RASAL1: variants seen among roughly 807,000 people sequenced by gnomAD.
The protein encoded by RASAL1 is rasGAP-activating-like protein 1.
A neutral mutation model predicts 96.6 loss-of-function variants in RASAL1; 72 were observed. The observed-to-expected ratio is 0.75, with a 90% CI of 0.62 to 0.91. RASAL1 has a LOEUF of 0.91. Among genes scored for constraint, RASAL1 ranks in the 40% least tolerant of loss-of-function variants. The probability of loss-of-function intolerance (pLI) is 0.00; values close to 1 mark genes in which losing one functional copy is unlikely to be tolerated. For synonymous variants in RASAL1, 405 were observed against 430.4 expected (o/e 0.94, Z 0.73); for missense variants, 1,016 against 1,072.5 (o/e 0.95, Z 0.74).
intron 16 of RASAL1, 131 bp downstream of exon 16, chr12:113,105,583 C>T (rs948946684): frequency 1.7e-5 from 17 of 994,948 alleles, no homozygotes; most frequent in Middle Eastern, 2.4e-4. Flanking sequence ...GAGAGTTTGT[C>T]GTTGTTAAGT....
At position 113,100,624 on chromosome 12, in the gene RASAL1, T is replaced by TAAG. The variant is rs1566029756; in HGVS notation, c.2278+3_2278+4insCTT. 1 of 1,607,464 alleles carries TAAG rather than the reference T, an allele frequency of 6.2e-7. No homozygotes were observed. The stretch of plus-strand genomic sequence containing the variant: ...TTTACCTTCTGAGGTACAGGAGCCC[T>TAAG]TACCTGTGTCTGCCTCCAGAGTTGT... On this transcript the variant is annotated splice_donor_region_variant and intron_variant, in intron 20 of 20. Coordinates refer to ENST00000548055, the MANE Select transcript of RASAL1 (RefSeq NM_001301202.2).
chr12:113,107,322 A>C, intron 14 of RASAL1, 81 bp from the exon 15 acceptor site: 5 of 1,441,516 alleles, frequency 3.5e-6, no homozygotes, highest in Non-Finnish European at 4.6e-6. Context: ...ATCAGTGCTC[A>C]ATAAAAGAAG....
At chr12:113,100,185 C>T (rs1950391980) in intron 20 of RASAL1, 117 bp from the exon 21 acceptor site, 2 of 1,166,604 alleles carry the variant, frequency 1.7e-6, no homozygotes, top group Non-Finnish European at 2.4e-6. Flanking sequence ...ACCCTAAAAT[C>T]CTTGAGAATC....
intron 5 of RASAL1, 57 bp downstream of exon 5, chr12:113,121,451 CA>C: frequency 6.2e-7 from 1 of 1,605,376 alleles, no homozygotes; most frequent in Non-Finnish European, 8.5e-7. Flanking sequence ...AGGGGAGACC[CA>C]GGGGACTCCT....
intron 1 of RASAL1, among the ~76,000 whole-genome samples, chr12:113,134,930 T>A (rs539205444): frequency 3.3e-5 from 5 of 152,162 alleles, no homozygotes; most frequent in African/African-American, 1.2e-4. Flanking sequence ...AAGCACCAGA[T>A]CCACACAGGA....
chr12:113,111,092 C>T (rs1329726336), intron 13 of RASAL1, among the ~76,000 whole-genome samples: 1 of 149,252 alleles, frequency 6.7e-6, no homozygotes, highest in Non-Finnish European at 1.5e-5. Flanking sequence ...CCACCCCACG[C>T]GCTGCTTGCT....
At chr12:113,132,901 A>G (rs1291992246) in intron 1 of RASAL1, among the ~76,000 whole-genome samples, 1 of 152,122 alleles carries the variant, frequency 6.6e-6, no homozygotes, top group Non-Finnish European at 1.5e-5. Flanking sequence ...TTCTGGCTCC[A>G]TCCCAAATCC....
intron 1 of RASAL1, among the ~76,000 whole-genome samples, chr12:113,131,702 C>G (rs1224184781): frequency 6.6e-6 from 1 of 152,222 alleles, no homozygotes; most frequent in Non-Finnish European, 1.5e-5. Flanking sequence ...AAATCCCAAG[C>G]TGTCTAACAG....
rs1566031700 is a variant in RASAL1, at chr12:113,101,947, G to A, written c.2167C>T (p.Pro723Ser). Residue 723 changes from proline (P) to serine (S), a missense_variant, in exon 19 of 21, where the codon CCT becomes TCT. Transcript: ENST00000548055. ...TACACTGTCTGGGCCTCAGCATCAGGATCCAGTGGGTCACTCCAGTCCCCC... is the reference window on the plus strand; with the variant it reads ...TACACTGTCTGGGCCTCAGCATCAGAATCCAGTGGGTCACTCCAGTCCCCC... ...TLGDWSDPLDPDAEAQTVYRQ... is the reference protein window; with the variant it reads ...TLGDWSDPLDSDAEAQTVYRQ... 1 of 1,614,158 alleles carries A rather than the reference G, an allele frequency of 6.2e-7. No homozygotes were observed. The highest frequency in any genetic ancestry group is 8.5e-7 in the Non-Finnish European group (1 of 1,180,018).
chr12:113,121,456 G>A, intron 5 of RASAL1, 53 bp downstream of exon 5: 1 of 1,607,042 alleles, frequency 6.2e-7, no homozygotes, highest in Non-Finnish European at 8.5e-7. Flanking sequence ...AGACCCAGGG[G>A]ACTCCTGCTC....
At position 113,112,954 on chromosome 12, in the gene RASAL1, A is replaced by AAAATAAATAAATAAATAAATAAAT. The variant is rs3038168; in HGVS notation, c.1182-677_1182-676insATTTATTTATTTATTTATTTATTT. On this transcript the variant is annotated intron_variant, in intron 12 of 20. Transcript: ENST00000548055. ...GTGACACAGCGAGACTCCATCTCAA[A>AAAATAAATAAATAAATAAATAAAT]AAATAAATAAATAAATAAATAAACC... Among the ~76,000 whole-genome samples, 668 of 149,592 alleles carry AAAATAAATAAATAAATAAATAAAT rather than the reference A, an allele frequency of 4.5e-3. 6 individuals carry two copies. Among genetic ancestry groups the AAAATAAATAAATAAATAAATAAAT allele is most frequent in the African/African-American group, 0.016 (642 of 40,448 alleles).
At position 113,129,476 on chromosome 12, in the gene RASAL1, G is replaced by A. The variant is rs1274506284; in HGVS notation, c.123-1298C>T. On this transcript the variant is annotated intron_variant, in intron 2 of 20. Transcript: ENST00000548055. The surrounding 1 kb of genome is among the most constrained non-coding windows in gnomAD (Gnocchi z 5.0). ...GGGCTTTGAAGCACACAGTGAGCAG[G>A]AGGAAGGCACAGGAAGGATGGGGAC... Among the ~76,000 whole-genome samples, 1 of 152,140 alleles carries A rather than the reference G, an allele frequency of 6.6e-6. No individual in the cohort carries two copies.
chr12:113,133,301 G>A (rs1340872938), intron 1 of RASAL1, among the ~76,000 whole-genome samples: 1 of 152,216 alleles, frequency 6.6e-6, no homozygotes, highest in Non-Finnish European at 1.5e-5. Flanking sequence ...CCCTGACTCA[G>A]CTCAGTCTTG....
intron 16 of RASAL1, among the ~76,000 whole-genome samples, chr12:113,105,170 G>A (rs1361430195): frequency 2.0e-5 from 3 of 152,238 alleles, no homozygotes; most frequent in Non-Finnish European, 4.4e-5. Flanking sequence ...ATTCCAGCAC[G>A]TGTCTCGGGG....
At chr12:113,104,519 T>C (rs1950577273) in intron 16 of RASAL1, among the ~76,000 whole-genome samples, 1 of 152,184 alleles carries the variant, frequency 6.6e-6, no homozygotes, top group Admixed American at 6.5e-5. Context: ...TATTTATTTT[T>C]TTAACAGAGT....
intron 4 of RASAL1, among the ~76,000 whole-genome samples, chr12:113,123,269 A>C (rs1951361067): frequency 6.6e-6 from 1 of 152,180 alleles, no homozygotes; most frequent in Non-Finnish European, 1.5e-5. Context: ...GTTTCTGCTG[A>C]CTATTGCCCA....
intron 8 of RASAL1, 65 bp from the exon 9 acceptor site, chr12:113,116,116 T>G: frequency 2.1e-6 from 3 of 1,406,094 alleles, no homozygotes; most frequent in Non-Finnish European, 2.9e-6. Context: ...ACGCCTGTAA[T>G]CCCAGCATTT....
At chr12:113,125,542 C>T (rs1951450570) in intron 4 of RASAL1, among the ~76,000 whole-genome samples, 1 of 152,126 alleles carries the variant, frequency 6.6e-6, no homozygotes, top group Admixed American at 6.5e-5. Flanking sequence ...TATGCTGAGG[C>T]AATATTTCAC....
At chr12:113,116,171 A>T (rs995097592) in intron 8 of RASAL1, 120 bp from the exon 9 acceptor site, 1 of 682,914 alleles carries the variant, frequency 1.5e-6, no homozygotes. Context: ...GCAGTTTGTG[A>T]CCAGCCTGAC....
Sources: gnomAD v4.1 joint callset for allele counts (sites outside exome capture counted in the v4.1 genomes callset) on GRCh38, gnomAD v4.1.1 for gene constraint, Gnocchi (gnomAD v3.1) non-coding constraint, MANE v1.5 for transcripts, NCBI Gene and HGNC (gene_info 2026-07-23, HGNC 2026-07-21) for gene names.